The following FBN2 variants were observed in gnomAD, a reference collection of about 807,000 sequenced individuals.
FBN2 encodes the protein fibrillin-2.
In FBN2, 105 loss-of-function variants were observed where a neutral mutation model predicts 355.6. The observed-to-expected ratio is 0.30, with a 90% CI of 0.25 to 0.35. FBN2 has a LOEUF of 0.35. FBN2 is among the 10% of genes least tolerant of loss of function. The pLI, the probability that FBN2 is intolerant of heterozygous loss-of-function variation, is 1.00. For missense variants in FBN2, 3,280 were observed against 3,758.7 expected (o/e 0.87, Z 3.33); for synonymous variants, 1,350 against 1,301.2 (o/e 1.04, Z -0.81).
intron 39 of FBN2, among the ~76,000 whole-genome samples, chr5:128,310,681 G>A (rs780024759): frequency 1.3e-5 from 2 of 151,918 alleles, no homozygotes; most frequent in Non-Finnish European, 2.9e-5. Flanking sequence ...AAATAATTAC[G>A]CTACATGTTT....
intron 39 of FBN2, among the ~76,000 whole-genome samples, chr5:128,310,886 G>A (rs946593852): frequency 8.5e-5 from 13 of 152,102 alleles, no homozygotes; most frequent in Admixed American, 2.6e-4. Flanking sequence ...AAGAATGGCA[G>A]CTGCATAACC....
chr5:128,411,777 C>T (rs1753074754), intron 7 of FBN2, among the ~76,000 whole-genome samples: 2 of 152,184 alleles, frequency 1.3e-5, no homozygotes, highest in South Asian at 4.1e-4. Context: ...GCCAGGGACC[C>T]CCACCCCGTC....
At chr5:128,515,065 T>C (rs926699090) in intron 5 of FBN2, among the ~76,000 whole-genome samples, 5 of 152,300 alleles carry the variant, frequency 3.3e-5, no homozygotes, top group African/African-American at 9.6e-5. Context: ...TCCAAGTCCA[T>C]TGGATTAACA....
rs997186042 is a variant in FBN2 at position 128,349,381 on chromosome 5, G to C, written c.2955C>G (p.Gly985=). Residue 985 remains glycine, a synonymous_variant, in exon 23 of 65, where the codon GGC becomes GGG. Coordinates refer to ENST00000262464, the MANE Select transcript of FBN2 (RefSeq NM_001999.4). ...KGSFHCECPE[G]LTLDGTGRVC... ...CACGGCCAGTCCCATCCAACGTAAG[G>C]CCTTCAGGGCACTCGCAATGAAAAG... is the stretch of plus-strand genomic sequence containing the variant. The C allele has an allele frequency of 4.3e-6, 7 of 1,613,982 alleles. No homozygotes were observed. Among genetic ancestry groups the C allele is most frequent in the Non-Finnish European group, 5.9e-6 (7 of 1,180,024 alleles).
intron 48 of FBN2, among the ~76,000 whole-genome samples, chr5:128,298,332 G>C (rs1269632781): frequency 6.6e-6 from 1 of 151,770 alleles, no homozygotes; most frequent in Non-Finnish European, 1.5e-5. Flanking sequence ...TGCTCTTCTC[G>C]AGGAGTATCT....
At chr5:128,457,377 T>C (rs945127295) in intron 6 of FBN2, among the ~76,000 whole-genome samples, 1 of 152,138 alleles carries the variant, frequency 6.6e-6, no homozygotes, top group African/African-American at 2.4e-5. Flanking sequence ...GGAAAACATA[T>C]TTCTGGATAT....
chr5:128,287,372 A>G lies in FBN2; in HGVS notation c.6816T>C (p.Phe2272=), dbSNP rs1749185319. ...LLCAFRCMNT[F]GSYECTCPIG... is the part of the protein sequence containing the mutation. ...TCGGGCACGTGCATTCATAGGACCC[A>G]AAAGTGTTCATGCAGCGGAAAGCAC... Residue 2272 remains phenylalanine (F), a synonymous_variant, in exon 54 of 65, where the codon TTT becomes TTC. Coordinates refer to ENST00000262464, the MANE Select transcript of FBN2 (RefSeq NM_001999.4). 6.2e-7 allele frequency: 1 copy of G among 1,613,878 alleles called. No individual in the cohort carries two copies. Among genetic ancestry groups the G allele is most frequent in the Admixed American group, 1.7e-5 (1 of 59,996 alleles).
intron 36 of FBN2, among the ~76,000 whole-genome samples, chr5:128,317,648 A>G (rs995511493): frequency 2.0e-5 from 3 of 152,138 alleles, no homozygotes; most frequent in African/African-American, 7.2e-5. Context: ...TTAAGATCAG[A>G]GGTGCTGACC....
At chr5:128,416,026 CTTT>C (rs869186696) in intron 7 of FBN2, among the ~76,000 whole-genome samples, 1 of 132,416 alleles carries the variant, frequency 7.6e-6, no homozygotes. Context: ...ATAGTTTGCA[CTTT>C]TTTTTTTTTT....
chr5:128,418,041 G>A (rs962506884), intron 7 of FBN2, among the ~76,000 whole-genome samples: 1 of 151,946 alleles, frequency 6.6e-6, no homozygotes, highest in Non-Finnish European at 1.5e-5. Flanking sequence ...ATTTCTTCCT[G>A]ATTCAATCTT....
intron 6 of FBN2, among the ~76,000 whole-genome samples, chr5:128,455,796 C>G (rs772077570): frequency 2.0e-5 from 3 of 151,764 alleles, no homozygotes; most frequent in Non-Finnish European, 4.4e-5. Flanking sequence ...GTGCAACCCA[C>G]GAATCGGAGG....
chr5:128,350,319 G>T (rs1751312724), intron 21 of FBN2, among the ~76,000 whole-genome samples: 1 of 152,168 alleles, frequency 6.6e-6, no homozygotes, highest in Non-Finnish European at 1.5e-5. Context: ...CAGCACTTTG[G>T]GAGGGTGGAT....
At chr5:128,419,005 C>A (rs1218059599) in intron 7 of FBN2, among the ~76,000 whole-genome samples, 2 of 152,116 alleles carry the variant, frequency 1.3e-5, no homozygotes, top group African/African-American at 4.8e-5. Flanking sequence ...TTATTTAGAT[C>A]ATTCTTAATT....
At chr5:128,371,535 C>CCTTCCTTCCT (rs1751944159) in intron 15 of FBN2, among the ~76,000 whole-genome samples, 1 of 127,358 alleles carries the variant, frequency 7.9e-6, no homozygotes, top group Non-Finnish European at 1.6e-5. Context: ...TTCCTTCCTT[C>CCTTCCTTCCT]TGTTTTTTTT....
At chr5:128,388,991 G>T (rs1191686828) in intron 11 of FBN2, among the ~76,000 whole-genome samples, 6 of 151,952 alleles carry the variant, frequency 3.9e-5, no homozygotes, top group Non-Finnish European at 5.9e-5. Context: ...TGTAAGTTTG[G>T]TTTCTTCACA....
At chr5:128,435,736 T>C (rs1753753902) in intron 7 of FBN2, among the ~76,000 whole-genome samples, 1 of 152,212 alleles carries the variant, frequency 6.6e-6, no homozygotes. Flanking sequence ...GGGATAAATA[T>C]GTTTGAAAAT....
intron 7 of FBN2, among the ~76,000 whole-genome samples, chr5:128,418,625 G>T (rs889612568): frequency 6.6e-6 from 1 of 151,808 alleles, no homozygotes; most frequent in Non-Finnish European, 1.5e-5. Flanking sequence ...TTCTTCAATG[G>T]TCATTTAGGA....
chr5:128,428,601 C>T (rs1263933210), intron 7 of FBN2, among the ~76,000 whole-genome samples: 2 of 152,182 alleles, frequency 1.3e-5, no homozygotes, highest in African/African-American at 4.8e-5. Context: ...TCCCTGGTTG[C>T]CTGTTTAAAA....
chr5:128,283,429 C>T (rs1399973068), intron 55 of FBN2, among the ~76,000 whole-genome samples: 1 of 152,192 alleles, frequency 6.6e-6, no homozygotes, highest in Non-Finnish European at 1.5e-5. Context: ...CTATGTTACT[C>T]TACATCTTAG....
Sources: gnomAD v4.1 joint callset for allele counts (sites outside exome capture counted in the v4.1 genomes callset) on GRCh38, gnomAD v4.1.1 for gene constraint, MANE v1.5 for transcripts, NCBI Gene and HGNC (gene_info 2026-07-23, HGNC 2026-07-21) for gene names.